Variants in ASIC2 observed in about 807,000 individuals in gnomAD.
ASIC2 encodes the protein acid sensing ion channel subunit 2.
Under a neutral mutation model 57.3 loss-of-function variants are expected in ASIC2, and 25 were observed. The observed-to-expected ratio is 0.44, with a 90% CI of 0.32 to 0.61. The LOEUF is 0.61. Among genes scored for constraint, ASIC2 ranks in the 20% least tolerant of loss-of-function variants. ASIC2 has a pLI of 0.06. For synonymous variants in ASIC2, 319 were observed against 307.5 expected, an observed-to-expected ratio of 1.04 and a Z score of -0.39; for missense variants, 641 against 738.1, an observed-to-expected ratio of 0.87 and a Z score of 1.52.
chr17:34,041,812 C>G lies in ASIC2; in HGVS notation c.555+114166G>C, dbSNP rs866091548. On this transcript the variant is annotated intron_variant, in intron 1 of 9. Coordinates refer to the ASIC2 transcript ENST00000359872. ...AGGGACTAGCAGAAGAAAACACATA[C>G]TGCAATCTCCTAAGTAGTCTTTCAC... is the stretch of plus-strand genomic sequence containing the variant. Among the ~76,000 whole-genome samples, 3 of 152,316 alleles carry G rather than the reference C, an allele frequency of 2.0e-5. No homozygotes were observed. The Middle Eastern group carries it at 0.01, about 518-fold the overall frequency.
intron 1 of ASIC2, among the ~76,000 whole-genome samples, chr17:34,125,971 CAT>C (rs1911769219): frequency 6.6e-6 from 1 of 152,222 alleles, no homozygotes; most frequent in Non-Finnish European, 1.5e-5. Flanking sequence ...GGCTATCCCA[CAT>C]GTCACAGCCT....
At chr17:33,448,240 G>A (rs1474150858) in intron 1 of ASIC2, among the ~76,000 whole-genome samples, 1 of 151,988 alleles carries the variant, frequency 6.6e-6, no homozygotes, top group Non-Finnish European at 1.5e-5. Context: ...GGCTGTGGCT[G>A]GGCTCCATTA....
chr17:33,898,327 C>T (rs1035581793), intron 1 of ASIC2, among the ~76,000 whole-genome samples: 1 of 148,450 alleles, frequency 6.7e-6, no homozygotes, highest in African/African-American at 2.5e-5. Flanking sequence ...CCTCCGCCTC[C>T]CAGATTCAAG....
intron 1 of ASIC2, among the ~76,000 whole-genome samples, chr17:34,141,641 A>G (rs1002966011): frequency 6.6e-6 from 1 of 152,216 alleles, no homozygotes; most frequent in African/African-American, 2.4e-5. Context: ...TGTTAAATCC[A>G]TGTGCTGGGC....
chr17:34,002,874 C>T (rs1906390784), intron 1 of ASIC2: 1 of 152,150 alleles, frequency 6.6e-6, no homozygotes, highest in Non-Finnish European at 1.5e-5. Flanking sequence ...AAATACATTG[C>T]TGTTATCTAT....
intron 1 of ASIC2, among the ~76,000 whole-genome samples, chr17:33,321,612 G>C (rs1232155437): frequency 6.6e-6 from 1 of 152,076 alleles, no homozygotes. Context: ...TTATTATTTT[G>C]CTTCTTCCTA....
intron 1 of ASIC2, among the ~76,000 whole-genome samples, chr17:33,891,968 T>C (rs1482582362): frequency 6.6e-6 from 1 of 152,210 alleles, no homozygotes; most frequent in Non-Finnish European, 1.5e-5. Context: ...GTCTACCATT[T>C]TCCCTTCTGA....
chr17:33,331,591 C>T (rs767614252), intron 1 of ASIC2, among the ~76,000 whole-genome samples: 1 of 152,178 alleles, frequency 6.6e-6, no homozygotes, highest in Non-Finnish European at 1.5e-5. Flanking sequence ...TTTGGGCCTG[C>T]ACTTCTGCAC....
At chr17:33,716,679 G>T (rs1003342003) in intron 1 of ASIC2, among the ~76,000 whole-genome samples, 3 of 152,090 alleles carry the variant, frequency 2.0e-5, no homozygotes, top group Non-Finnish European at 4.4e-5. Flanking sequence ...ATGTCTGTTT[G>T]AATATCATTT....
chr17:33,182,761 G>A (rs7209760), intron 1 of ASIC2, among the ~76,000 whole-genome samples: 2,938 of 152,160 alleles, frequency 0.019, 99 homozygotes, highest in African/African-American at 0.065. Context: ...ATTTAAATGG[G>A]GCAGTTGCAG....
At chr17:33,193,740 T>C (rs1354648322) in intron 1 of ASIC2, among the ~76,000 whole-genome samples, 1 of 152,142 alleles carries the variant, frequency 6.6e-6, no homozygotes, top group Non-Finnish European at 1.5e-5. Context: ...GAGAGGAGGC[T>C]CTGCAATTCC....
intron 1 of ASIC2, among the ~76,000 whole-genome samples, chr17:33,147,975 A>G (rs1904631167): frequency 6.6e-6 from 1 of 152,198 alleles, no homozygotes; most frequent in African/African-American, 2.4e-5. Context: ...CTTTGGAGAC[A>G]AGGACACTTC....
rs755713146 is a variant in ASIC2 at position 33,291,572 on chromosome 17, G to T, written c.544C>A (p.Arg182Ser). ...TCCGCCAGCTTGCGGAACCACTGGCGGCGCGGCTCGTCGCCCCGCAGCAGC... is the reference window on the plus strand; with the variant it reads ...TCCGCCAGCTTGCGGAACCACTGGCTGCGCGGCTCGTCGCCCCGCAGCAGC... ...SELLRGDEPR[R>S]QWFRKLADFR... The change falls in exon 1 of 10, where the codon CGC (arginine) becomes AGC (serine). Residue 182 changes from arginine to serine, a missense_variant. Around this residue, in one of 3 missense-constraint regions of ASIC2, gnomAD observed 382 missense variants for 398.0 expected, o/e 0.96. Transcript: ENST00000225823. 1 of 1,610,182 alleles carries T rather than the reference G, an allele frequency of 6.2e-7. No individual in the cohort carries two copies. The highest frequency in any genetic ancestry group is 8.5e-7 in the Non-Finnish European group (1 of 1,179,114).
intron 1 of ASIC2, among the ~76,000 whole-genome samples, chr17:33,587,999 TA>T: frequency 6.6e-6 from 1 of 152,212 alleles, no homozygotes; most frequent in East Asian, 1.9e-4. Flanking sequence ...GGCCTCATTA[TA>T]AAGATTTAGG....
At chr17:33,187,680 T>C (rs1408001729) in intron 1 of ASIC2, among the ~76,000 whole-genome samples, 1 of 152,088 alleles carries the variant, frequency 6.6e-6, no homozygotes, top group Non-Finnish European at 1.5e-5. Context: ...TGGCTGTGGC[T>C]AGTGACTGTG....
rs528731102 is a variant in ASIC2 at position 33,286,248 on chromosome 17, T to C, written c.708+5160A>G. On this transcript the variant is annotated intron_variant, in intron 1 of 9. Coordinates refer to ENST00000225823, the MANE Select transcript of ASIC2 (RefSeq NM_183377.2). ...CTGTTTTCTTCGCTTTCAGTACATA[T>C]GAGTGGTCCAAAATCTGAACTCAAG... is the stretch of plus-strand genomic sequence containing the variant. 2.0e-5 allele frequency among the ~76,000 whole-genome samples: 3 copies of C among 152,322 alleles called. No homozygotes were observed. The South Asian group carries it at 6.2e-4, about 32-fold the overall frequency.
intron 1 of ASIC2, among the ~76,000 whole-genome samples, chr17:33,692,668 G>A (rs1231112695): frequency 3.3e-5 from 5 of 152,206 alleles, no homozygotes; most frequent in African/African-American, 1.2e-4. Flanking sequence ...GTGAGCCACT[G>A]AGTGAGTGGT....
At chr17:33,755,499 G>A (rs1161328703) in intron 1 of ASIC2, among the ~76,000 whole-genome samples, 1 of 152,060 alleles carries the variant, frequency 6.6e-6, no homozygotes, top group Non-Finnish European at 1.5e-5. Flanking sequence ...ATGTCACTAA[G>A]CTCATAGGCT....
At chr17:33,859,995 A>G (rs1200611895) in intron 1 of ASIC2, among the ~76,000 whole-genome samples, 1 of 152,110 alleles carries the variant, frequency 6.6e-6, no homozygotes, top group Non-Finnish European at 1.5e-5. Context: ...CCTTTTTTAT[A>G]TGCCATATAT....
Sources: allele counts gnomAD v4.1 joint callset (sites outside exome capture counted in the v4.1 genomes callset), GRCh38; gene constraint gnomAD v4.1.1; regional missense constraint gnomAD v4.1.1; transcripts MANE v1.5; gene names NCBI Gene and HGNC (gene_info 2026-07-23, HGNC 2026-07-21).